OOSP3: variants seen among roughly 807,000 people sequenced by gnomAD.
OOSP3 encodes oocyte-secreted protein 3.
At chr11:59,887,340 T>C (rs1590873906) in intron 2 of OOSP3, among the ~76,000 whole-genome samples, 1 of 152,240 alleles carries the variant, frequency 6.6e-6, no homozygotes, top group African/African-American at 2.4e-5. Context: ...ATGATGCAAT[T>C]TTTTGGCAAT....
chr11:59,892,275 G>A (rs1174888558), intron 2 of OOSP3, among the ~76,000 whole-genome samples: 2 of 152,130 alleles, frequency 1.3e-5, no homozygotes, highest in East Asian at 1.9e-4. Context: ...GGGGAGGGAC[G>A]GCCCTTTTCC....
intron 2 of OOSP3, among the ~76,000 whole-genome samples, chr11:59,881,641 G>C (rs879699758): frequency 6.6e-6 from 1 of 152,182 alleles, no homozygotes; most frequent in Non-Finnish European, 1.5e-5. Context: ...ATTTTGGGAG[G>C]CCGAGGCAGG....
At chr11:59,884,502 T>C (rs1022255102) in intron 2 of OOSP3, among the ~76,000 whole-genome samples, 7 of 150,502 alleles carry the variant, frequency 4.7e-5, no homozygotes, top group African/African-American at 1.7e-4. Context: ...TCTCTCTCTC[T>C]CTCTCTCTCT....
chr11:59,895,407 GA>G (rs979455003), intron 3 of OOSP3, 94 bp from the exon 4 acceptor site: 1 of 393,124 alleles, frequency 2.5e-6, no homozygotes. Flanking sequence ...AAAGTAGAAG[GA>G]AAAAAAATGA....
intron 2 of OOSP3, among the ~76,000 whole-genome samples, chr11:59,886,258 T>C (rs1019020861): frequency 2.0e-5 from 3 of 152,218 alleles, no homozygotes; most frequent in East Asian, 1.9e-4. Flanking sequence ...TATTCCATGG[T>C]ATGTATGTAC....
intron 2 of OOSP3, among the ~76,000 whole-genome samples, chr11:59,892,839 A>G (rs1853324817): frequency 6.6e-6 from 1 of 152,252 alleles, no homozygotes; most frequent in Non-Finnish European, 1.5e-5. Context: ...AGAACAAGTT[A>G]AAAATGCCAA....
chr11:59,895,727 G>C (rs546167454), intron 4 of OOSP3, 75 bp downstream of exon 4: 1 of 397,706 alleles, frequency 2.5e-6, no homozygotes, highest in Admixed American at 4.4e-5. Context: ...GGAAGTAAAA[G>C]CTCAAATCTC....
intron 2 of OOSP3, among the ~76,000 whole-genome samples, chr11:59,885,201 T>A (rs958356612): frequency 6.6e-6 from 1 of 152,238 alleles, no homozygotes; most frequent in Non-Finnish European, 1.5e-5. Context: ...CAACATATCC[T>A]TTTCCTGGGA....
intron 2 of OOSP3, among the ~76,000 whole-genome samples, chr11:59,883,883 A>G (rs562127342): frequency 6.6e-6 from 1 of 152,326 alleles, no homozygotes; most frequent in Non-Finnish European, 1.5e-5. Flanking sequence ...AAACTTAGCT[A>G]CTTTTAAAGG....
chr11:59,895,630 T>G (rs1259854914), exon 4 of OOSP3: 1 of 398,306 alleles, frequency 2.5e-6, no homozygotes, highest in Non-Finnish European at 4.4e-6. Context: ...TTGACTCGGA[T>G]TCCATATTTT....
rs73490970 is a variant in OOSP3 at position 59,894,843 on chromosome 11, A to G, written c.351-659A>G. On this transcript the variant is annotated intron_variant, in intron 3 of 4. Transcript: ENST00000646438. The stretch of plus-strand genomic sequence containing the variant: ...CCTTCTCACCTAACTGCCACCCCGC[A>G]GATCAGGGAATGCTTGCAGAAACAG... Among the ~76,000 whole-genome samples, 829 of 152,260 alleles carry G rather than the reference A, an allele frequency of 5.4e-3. 6 individuals are homozygous for G. Among genetic ancestry groups the G allele is most frequent in the African/African-American group, 0.018 (744 of 41,544 alleles).
At chr11:59,895,442 G>C in intron 3 of OOSP3, 60 bp from the exon 4 acceptor site, 1 of 397,264 alleles carries the variant, frequency 2.5e-6, no homozygotes, top group Non-Finnish European at 4.4e-6. Flanking sequence ...GAGACTTACT[G>C]GTTTGTTTAT....
chr11:59,880,627 G>A (rs1446695999), intron 2 of OOSP3, among the ~76,000 whole-genome samples, 188 bp downstream of exon 2: 3 of 152,138 alleles, frequency 2.0e-5, no homozygotes, highest in Non-Finnish European at 2.9e-5. Context: ...AGCCCATTGT[G>A]GAGGAGAATA....
At chr11:59,885,043 G>A (rs1458090484) in intron 2 of OOSP3, among the ~76,000 whole-genome samples, 2 of 152,152 alleles carry the variant, frequency 1.3e-5, no homozygotes, top group Non-Finnish European at 2.9e-5. Context: ...TTGAGGACGT[G>A]CCCTTTTATC....
intron 2 of OOSP3, among the ~76,000 whole-genome samples, chr11:59,886,710 G>GAAC (rs1392109020): frequency 6.6e-6 from 1 of 151,848 alleles, no homozygotes; most frequent in Non-Finnish European, 1.5e-5. Flanking sequence ...TTTCTCTAAT[G>GAAC]ATCAGTGATG....
At chr11:59,879,965 AG>A (rs990322643) in intron 1 of OOSP3, among the ~76,000 whole-genome samples, 3 of 152,162 alleles carry the variant, frequency 2.0e-5, no homozygotes, top group African/African-American at 7.2e-5. Context: ...ATCCATGGGC[AG>A]CCCCATACAG....
intron 2 of OOSP3, among the ~76,000 whole-genome samples, chr11:59,893,437 C>G (rs1282932575): frequency 6.6e-6 from 1 of 152,142 alleles, no homozygotes; most frequent in Admixed American, 6.5e-5. Flanking sequence ...ATGATCACAG[C>G]TCACTGCAAC....
At chr11:59,884,499 C>G (rs1296470508) in intron 2 of OOSP3, among the ~76,000 whole-genome samples, 12 of 148,892 alleles carry the variant, frequency 8.1e-5, no homozygotes, top group Non-Finnish European at 1.8e-4. Flanking sequence ...CTCTCTCTCT[C>G]TCTCTCTCTC....
At chr11:59,895,536 A>G (rs888151845) in exon 4 of OOSP3, 3 of 398,348 alleles carry the variant, frequency 7.5e-6, no homozygotes, top group African/African-American at 6.2e-5. Context: ...CACTATCCAT[A>G]ACAATCTTAC....
Sources: allele counts gnomAD v4.1 joint callset (sites outside exome capture counted in the v4.1 genomes callset), GRCh38; gene constraint gnomAD v4.1.1; transcripts MANE v1.5; gene names NCBI Gene and HGNC (gene_info 2026-07-23, HGNC 2026-07-21).